The following MCTP1 variants were observed in gnomAD, a reference collection of about 807,000 sequenced individuals.
MCTP1 encodes multiple C2 and transmembrane domain-containing protein 1.
Under a neutral mutation model 120.6 loss-of-function variants are expected in MCTP1, and 69 were observed. That is an observed-to-expected ratio of 0.57 (90% CI 0.47 to 0.70). The LOEUF (loss-of-function observed/expected upper bound fraction) is 0.70. Among genes scored for constraint, MCTP1 ranks in the 30% least tolerant of loss-of-function variants. The pLI is 0.00. For missense variants in MCTP1, 1,203 were observed against 1,248.8 expected (o/e 0.96, Z 0.55); for synonymous variants, 529 against 493.1 (o/e 1.07, Z -0.96).
chr5:95,255,819 T>C (rs1440999151), intron 1 of MCTP1, among the ~76,000 whole-genome samples: 3 of 152,134 alleles, frequency 2.0e-5, no homozygotes, highest in African/African-American at 7.2e-5. Flanking sequence ...CCTTTAAGGA[T>C]TGGGCCCCAG....
At chr5:94,821,876 G>C (rs748364947) in intron 17 of MCTP1, among the ~76,000 whole-genome samples, 1 of 152,108 alleles carries the variant, frequency 6.6e-6, no homozygotes, top group Non-Finnish European at 1.5e-5. Flanking sequence ...AACCCTTGCA[G>C]TTCAAACTTA....
chr5:94,769,038 ATGG>A (rs1561603068), intron 19 of MCTP1, among the ~76,000 whole-genome samples: 2 of 152,188 alleles, frequency 1.3e-5, no homozygotes, highest in African/African-American at 4.8e-5. Flanking sequence ...TATGTACCCA[ATGG>A]AATGCTATTT....
intron 1 of MCTP1, among the ~76,000 whole-genome samples, chr5:95,197,219 T>C (rs1750494262): frequency 6.6e-6 from 1 of 152,218 alleles, no homozygotes; most frequent in South Asian, 2.1e-4. Flanking sequence ...AAACAAGTTA[T>C]TTTTCACAAA....
At chr5:94,967,104 A>T (rs1041005937) in intron 2 of MCTP1, among the ~76,000 whole-genome samples, 10 of 152,198 alleles carry the variant, frequency 6.6e-5, no homozygotes, top group African/African-American at 2.4e-4. Context: ...TTTAGCACAG[A>T]GGCCTATACA....
intron 17 of MCTP1, among the ~76,000 whole-genome samples, chr5:94,845,070 T>A (rs1195963127): frequency 6.6e-6 from 1 of 152,208 alleles, no homozygotes; most frequent in Non-Finnish European, 1.5e-5. Flanking sequence ...ATTTGCAAAC[T>A]ATATATCTGA....
At chr5:95,025,199 G>C (rs966882171) in intron 1 of MCTP1, among the ~76,000 whole-genome samples, 1 of 151,976 alleles carries the variant, frequency 6.6e-6, no homozygotes, top group Non-Finnish European at 1.5e-5. Flanking sequence ...AAAACAACGA[G>C]GTACTGACAT....
At chr5:95,008,248 GA>G (rs1835151486) in intron 2 of MCTP1, among the ~76,000 whole-genome samples, 1 of 152,046 alleles carries the variant, frequency 6.6e-6, no homozygotes, top group Admixed American at 6.6e-5. Flanking sequence ...GACAAAAAAA[GA>G]AGGCCGCCCA....
intron 1 of MCTP1, among the ~76,000 whole-genome samples, chr5:95,033,787 T>A (rs538926719): frequency 9.2e-5 from 14 of 152,056 alleles, no homozygotes; most frequent in Admixed American, 2.6e-4. Flanking sequence ...ATTATCTCTA[T>A]TCACTGACAA....
intron 18 of MCTP1, among the ~76,000 whole-genome samples, chr5:94,786,990 A>G (rs1777870810): frequency 6.6e-6 from 1 of 152,224 alleles, no homozygotes; most frequent in South Asian, 2.1e-4. Flanking sequence ...CTGATTTATT[A>G]GAATTAGTCT....
At chr5:95,021,917 C>T (rs1285074334) in intron 1 of MCTP1, among the ~76,000 whole-genome samples, 1 of 152,016 alleles carries the variant, frequency 6.6e-6, no homozygotes, top group Non-Finnish European at 1.5e-5. Context: ...TTTTTCTTCT[C>T]TTAATTTACT....
chr5:95,062,080 C>T (rs1749378587), intron 1 of MCTP1, among the ~76,000 whole-genome samples: 1 of 152,146 alleles, frequency 6.6e-6, no homozygotes, highest in Admixed American at 6.5e-5. Context: ...AAATGGAAAG[C>T]AAAGCAATTG....
At chr5:95,020,739 C>T (rs1390491451) in intron 1 of MCTP1, among the ~76,000 whole-genome samples, 1 of 151,744 alleles carries the variant, frequency 6.6e-6, no homozygotes, top group Non-Finnish European at 1.5e-5. Flanking sequence ...TTTTATGTAT[C>T]TTCTAATCAT....
chr5:95,164,018 C>A (rs530060670), intron 1 of MCTP1, among the ~76,000 whole-genome samples: 2 of 152,126 alleles, frequency 1.3e-5, no homozygotes, highest in Admixed American at 6.6e-5. Flanking sequence ...ATTTGAAATT[C>A]TTTGTATCTA....
At chr5:94,873,779 G>A (rs866055726) in intron 12 of MCTP1, among the ~76,000 whole-genome samples, 2 of 151,550 alleles carry the variant, frequency 1.3e-5, no homozygotes, top group African/African-American at 4.8e-5. Context: ...AGATATCTAT[G>A]ACATCACAAG....
intron 1 of MCTP1, among the ~76,000 whole-genome samples, chr5:95,259,549 A>G (rs1758259636): frequency 1.3e-5 from 2 of 152,272 alleles, no homozygotes; most frequent in African/African-American, 2.4e-5. Flanking sequence ...GTGAAACACA[A>G]TCTCTTTCCT....
intron 2 of MCTP1, among the ~76,000 whole-genome samples, chr5:94,992,499 T>C (rs994556795): frequency 2.0e-5 from 3 of 152,180 alleles, no homozygotes; most frequent in Non-Finnish European, 4.4e-5. Flanking sequence ...ATGCTGTGGG[T>C]AGCCAGCCAT....
intron 1 of MCTP1, among the ~76,000 whole-genome samples, chr5:95,134,222 G>A (rs927728746): frequency 6.6e-6 from 1 of 152,126 alleles, no homozygotes; most frequent in African/African-American, 2.4e-5. Flanking sequence ...GTATGTTTAT[G>A]ATTTTTGAAA....
chr5:94,891,988 A>G (rs1223549905), intron 11 of MCTP1, among the ~76,000 whole-genome samples: 1 of 151,878 alleles, frequency 6.6e-6, no homozygotes, highest in Non-Finnish European at 1.5e-5. Flanking sequence ...TCTGGAGAGG[A>G]GTCCTCTTTA....
chr5:94,852,725 T>C (rs1012452439), intron 17 of MCTP1, among the ~76,000 whole-genome samples: 1 of 151,968 alleles, frequency 6.6e-6, no homozygotes, highest in Admixed American at 6.6e-5. Flanking sequence ...ATTTTTGTTG[T>C]TCTCATGCTA....
Sources: gnomAD v4.1 joint callset for allele counts (sites outside exome capture counted in the v4.1 genomes callset) on GRCh38, gnomAD v4.1.1 for gene constraint, MANE v1.5 for transcripts, NCBI Gene and HGNC (gene_info 2026-07-23, HGNC 2026-07-21) for gene names.